Variants in GNAQ observed in about 807,000 individuals in gnomAD.
The protein encoded by GNAQ is G protein subunit alpha q.
GNAQ carries 8 observed loss-of-function variants against 43.9 expected under a neutral mutation model. The observed-to-expected ratio is 0.18, with a 90% CI of 0.11 to 0.33. The LOEUF (loss-of-function observed/expected upper bound fraction) is 0.33, where lower values mean the gene tolerates loss of function less well. Among genes scored for constraint, GNAQ ranks in the 10% least tolerant of loss-of-function variants. The pLI, the probability that GNAQ is intolerant of heterozygous loss-of-function variation, is 1.00. For synonymous variants in GNAQ, 155 were observed against 170.7 expected, an observed-to-expected ratio of 0.91 and a Z score of 0.71; for missense variants, 158 against 450.8, an observed-to-expected ratio of 0.35 and a Z score of 5.88.
At chr9:77,931,059 CCGA>C (rs1273154603) in intron 1 of GNAQ, among the ~76,000 whole-genome samples, 1 of 151,566 alleles carries the variant, frequency 6.6e-6, no homozygotes, top group Non-Finnish European at 1.5e-5. Context: ...AACCAACCCC[CCGA>C]CCCGACCCCC....
intron 1 of GNAQ, among the ~76,000 whole-genome samples, chr9:77,982,822 G>A (rs569248399): frequency 8.4e-4 from 127 of 151,558 alleles, no homozygotes; most frequent in African/African-American, 3.0e-3. Flanking sequence ...GGGAGGGATA[G>A]TAATGGGAGA....
At chr9:77,864,579 A>C in intron 2 of GNAQ, among the ~76,000 whole-genome samples, 1 of 152,174 alleles carries the variant, frequency 6.6e-6, no homozygotes, top group African/African-American at 2.4e-5. Flanking sequence ...AGGATGGAGT[A>C]ACAGGACACA....
chr9:77,921,048 T>C (rs945234919), intron 2 of GNAQ, among the ~76,000 whole-genome samples: 4 of 152,226 alleles, frequency 2.6e-5, no homozygotes, highest in Non-Finnish European at 5.9e-5. Flanking sequence ...AGTAGATTTA[T>C]CAAAAGTACT....
intron 1 of GNAQ, among the ~76,000 whole-genome samples, chr9:77,976,396 G>T (rs1290530713): frequency 6.6e-6 from 1 of 151,594 alleles, no homozygotes. Context: ...TTTTGTTTTT[G>T]TTTTTGTTTT....
intron 5 of GNAQ, among the ~76,000 whole-genome samples, chr9:77,741,158 TAG>T (rs1337610405): frequency 6.6e-6 from 1 of 152,236 alleles, no homozygotes; most frequent in African/African-American, 2.4e-5. Context: ...CTGTGGGCCA[TAG>T]AGTTTACTGA....
At chr9:77,894,697 A>G (rs1828472073) in intron 2 of GNAQ, among the ~76,000 whole-genome samples, 1 of 151,566 alleles carries the variant, frequency 6.6e-6, no homozygotes, top group Non-Finnish European at 1.5e-5. Flanking sequence ...CTGGGATTAC[A>G]AGCGTGAGCC....
intron 2 of GNAQ, among the ~76,000 whole-genome samples, chr9:77,894,690 G>A (rs1477705881): frequency 6.6e-6 from 1 of 151,230 alleles, no homozygotes; most frequent in Admixed American, 6.6e-5. Context: ...CAAAGTGCTG[G>A]GATTACAAGC....
At chr9:77,912,478 T>C (rs188135696) in intron 2 of GNAQ, among the ~76,000 whole-genome samples, 1 of 152,262 alleles carries the variant, frequency 6.6e-6, no homozygotes. Context: ...ATTATCTACA[T>C]GACCTTAAGT....
chr9:77,934,136 G>A (rs1829194696), intron 1 of GNAQ, among the ~76,000 whole-genome samples: 1 of 152,154 alleles, frequency 6.6e-6, no homozygotes, highest in Non-Finnish European at 1.5e-5. Context: ...AAGAACATCA[G>A]CTGAAGTCAG....
intron 2 of GNAQ, among the ~76,000 whole-genome samples, chr9:77,892,840 C>A (rs1340627162): frequency 3.3e-5 from 5 of 152,110 alleles, no homozygotes; most frequent in Non-Finnish European, 7.4e-5. Context: ...GAAAGAAAAT[C>A]CCTTGTCATG....
chr9:77,733,539 T>G (rs1564094282), intron 5 of GNAQ, among the ~76,000 whole-genome samples: 1 of 152,184 alleles, frequency 6.6e-6, no homozygotes, highest in Non-Finnish European at 1.5e-5. Flanking sequence ...CTTCTTATCC[T>G]TCAATATCCA....
At chr9:77,776,596 A>C (rs1315656395) in intron 5 of GNAQ, among the ~76,000 whole-genome samples, 1 of 152,236 alleles carries the variant, frequency 6.6e-6, no homozygotes, top group African/African-American at 2.4e-5. Flanking sequence ...CATGAAGCAA[A>C]AATTGACAAA....
intron 5 of GNAQ, among the ~76,000 whole-genome samples, chr9:77,777,681 G>A (rs1033164034): frequency 9.2e-5 from 14 of 151,844 alleles, no homozygotes; most frequent in Non-Finnish European, 1.6e-4. Flanking sequence ...GATCTAAATA[G>A]ACATTTCTCC....
At chr9:77,850,220 T>C (rs1182009167) in intron 2 of GNAQ, among the ~76,000 whole-genome samples, 1 of 152,196 alleles carries the variant, frequency 6.6e-6, no homozygotes, top group African/African-American at 2.4e-5. Flanking sequence ...GGTTTTCTTC[T>C]CATTTATCTG....
chr9:77,944,580 G>T (rs1306191400), intron 1 of GNAQ, among the ~76,000 whole-genome samples: 2 of 152,122 alleles, frequency 1.3e-5, no homozygotes, highest in African/African-American at 4.8e-5. Context: ...GGAAGTTCAT[G>T]GGACCCCTCA....
intron 2 of GNAQ, among the ~76,000 whole-genome samples, chr9:77,826,155 ATTT>A (rs1345610082): frequency 6.6e-6 from 1 of 152,190 alleles, no homozygotes; most frequent in African/African-American, 2.4e-5. Flanking sequence ...GAGTACATAT[ATTT>A]TTATGAAAGT....
At chr9:77,902,447 G>C (rs917131469) in intron 2 of GNAQ, among the ~76,000 whole-genome samples, 3 of 152,096 alleles carry the variant, frequency 2.0e-5, no homozygotes, top group Non-Finnish European at 4.4e-5. Context: ...CATAATAAAA[G>C]CCTTGCTTAC....
At chr9:77,983,604 G>C (rs1464730759) in intron 1 of GNAQ, among the ~76,000 whole-genome samples, 2 of 152,156 alleles carry the variant, frequency 1.3e-5, no homozygotes, top group Non-Finnish European at 2.9e-5. Flanking sequence ...CATAGTTGGT[G>C]TATGTTGCCT....
At chr9:77,815,531 C>T in intron 3 of GNAQ, 85 bp downstream of exon 3, 1 of 853,502 alleles carries the variant, frequency 1.2e-6, no homozygotes, top group Non-Finnish European at 1.9e-6. Flanking sequence ...ATATACAGGA[C>T]AGAATAAAGA....
Sources: gnomAD v4.1 joint callset for allele counts (sites outside exome capture counted in the v4.1 genomes callset) on GRCh38, gnomAD v4.1.1 for gene constraint, MANE v1.5 for transcripts, NCBI Gene and HGNC (gene_info 2026-07-23, HGNC 2026-07-21) for gene names.